CLTA: variants seen among roughly 807,000 people sequenced by gnomAD.
CLTA encodes clathrin light chain A.
CLTA carries 9 observed loss-of-function variants against 26.9 expected under a neutral mutation model. That is an observed-to-expected ratio of 0.33 (90% CI 0.20 to 0.58). The LOEUF (loss-of-function observed/expected upper bound fraction) is 0.58. CLTA is among the 20% of genes least tolerant of loss of function. The pLI, the probability that CLTA is intolerant of heterozygous loss-of-function variation, is 0.85. For missense variants in CLTA, 278 were observed against 294.2 expected, an observed-to-expected ratio of 0.94 and a Z score of 0.40; for synonymous variants, 120 against 115.5, an observed-to-expected ratio of 1.04 and a Z score of -0.25.
intron 1 of CLTA, among the ~76,000 whole-genome samples, chr9:36,194,316 C>T (rs12339646): frequency 0.097 from 14,699 of 152,256 alleles, 967 homozygotes; most frequent in South Asian, 0.18. Flanking sequence ...TGTGAACCAC[C>T]GCACCCGGTG....
chr9:36,205,523 C>T (rs1368079422), intron 4 of CLTA, among the ~76,000 whole-genome samples: 1 of 152,266 alleles, frequency 6.6e-6, no homozygotes, highest in African/African-American at 2.4e-5. Context: ...CCCCAGCCTG[C>T]GACCCCAGCA....
chr9:36,208,499 C>G (rs921827922), intron 4 of CLTA, among the ~76,000 whole-genome samples: 1 of 152,190 alleles, frequency 6.6e-6, no homozygotes, highest in Admixed American at 6.5e-5. Flanking sequence ...AAGCCAGGGC[C>G]AGGATCCTAG....
chr9:36,197,533 A>G lies in CLTA; in HGVS notation c.218-18A>G. The stretch of plus-strand genomic sequence containing the variant: ...TTGACCAGTCCTTATTGATAGACCA[A>G]AATCTTATGTCTTGCAGATGCTGTT... On this transcript the variant is annotated intron_variant, in intron 1 of 4. Transcript: ENST00000345519. 8 of 1,607,916 alleles carry G rather than the reference A, an allele frequency of 5.0e-6. No individual in the cohort carries two copies. The highest frequency in any genetic ancestry group is 6.8e-6 in the Non-Finnish European group (8 of 1,175,100).
chr9:36,211,563 G>A lies in CLTA; in HGVS notation c.486-40G>A, dbSNP rs746741491. The A allele has an allele frequency of 2.6e-6, 4 of 1,560,000 alleles. No homozygotes were observed. In the Admixed American group the frequency reaches 5.4e-5, roughly 21 times the overall value. On this transcript the variant is annotated intron_variant, in intron 4 of 4. Coordinates refer to ENST00000345519, the MANE Select transcript of CLTA (RefSeq NM_001833.4). ...AGGCAGCCACCAGGTTGCTCAAAGG[G>A]GGTTCTGCATAAACCAACATATTTT...
chr9:36,193,411 A>G (rs1041868951), intron 1 of CLTA, among the ~76,000 whole-genome samples: 7 of 151,888 alleles, frequency 4.6e-5, no homozygotes, highest in Non-Finnish European at 1.0e-4. Context: ...ATCTCAGACA[A>G]TGTATATAAC....
intron 1 of CLTA, among the ~76,000 whole-genome samples, chr9:36,197,126 G>T (rs937004050): frequency 6.6e-6 from 1 of 152,240 alleles, no homozygotes; most frequent in Non-Finnish European, 1.5e-5. Flanking sequence ...AGTAAGCCAT[G>T]ATTGGGCCAC....
In CLTA at chr9:36,193,539, T is replaced by C. The variant is rs185874816; in HGVS notation, c.217+2266T>C. On this transcript the variant is annotated intron_variant, in intron 1 of 4. Coordinates refer to ENST00000345519, the MANE Select transcript of CLTA (RefSeq NM_001833.4). Reference sequence around the variant, plus strand: ...AGTGTCTATAAAGTGCTTACAGTTATATTAAGTATCTAGTGAATTCCAGCT... The same window carrying C: ...AGTGTCTATAAAGTGCTTACAGTTACATTAAGTATCTAGTGAATTCCAGCT... Among the ~76,000 whole-genome samples, 967 of 149,868 alleles carry C rather than the reference T, an allele frequency of 6.5e-3. 6 individuals carry two copies. Among genetic ancestry groups the C allele is most frequent in the Middle Eastern group, 0.014 (4 of 290 alleles).
At chr9:36,211,478 A>G in intron 4 of CLTA, 125 bp from the exon 5 acceptor site, 1 of 1,336,038 alleles carries the variant, frequency 7.5e-7, no homozygotes, top group Non-Finnish European at 1.0e-6. Flanking sequence ...AGGGGCTGTT[A>G]TCTTGGGAAA....
At position 36,191,147 on chromosome 9, in the gene CLTA, C is replaced by T. The variant is rs1826683298; in HGVS notation, c.91C>T (p.Pro31Ser). ...NGVAGAGEED[P>S]AAAFLAQQES... ...AGTGGCCGGCGCCGGCGAAGAAGAC[C>T]CGGCTGCGGCCTTCTTGGCGCAGCA... Residue 31 changes from proline to serine, a missense_variant, in exon 1 of 5, where the codon CCG (proline) becomes TCG (serine). Physicochemically the swap from Pro to Ser is moderately conservative, Grantham distance 74. Coordinates refer to ENST00000345519, the MANE Select transcript of CLTA (RefSeq NM_001833.4). 1 of 1,599,420 alleles carries T rather than the reference C, an allele frequency of 6.3e-7. No individual in the cohort carries two copies. Among genetic ancestry groups the T allele is most frequent in the Admixed American group, 1.7e-5 (1 of 58,692 alleles).
In CLTA at chr9:36,190,997, G is replaced by A. The variant is rs1826660320; in HGVS notation, c.-60G>A. 6.8e-6 allele frequency: 10 copies of A among 1,468,796 alleles called. No homozygotes were observed. The highest frequency in any genetic ancestry group is 8.0e-6 in the Non-Finnish European group (9 of 1,120,374). 91.0% of individuals were successfully genotyped at this position (1,468,796 alleles called of 1,614,324 possible). A position where few individuals can be genotyped will look rare whatever the true frequency, so the allele number is the denominator to read the frequency against. ...CACAGCGGTGGCTGCCGGGCGTGGT[G>A]TCGGTGGGTCGGTTGGTTTTTGTCT... On this transcript the variant is annotated 5_prime_UTR_variant, in exon 1 of 5. Transcript: ENST00000345519.
chr9:36,201,692 G>A (rs1827416002), intron 3 of CLTA, among the ~76,000 whole-genome samples: 1 of 152,296 alleles, frequency 6.6e-6, no homozygotes, highest in African/African-American at 2.4e-5. Context: ...TGATTGAAAA[G>A]GGGGCCTTAC....
chr9:36,208,641 T>C (rs1390187157), intron 4 of CLTA, among the ~76,000 whole-genome samples: 1 of 152,152 alleles, frequency 6.6e-6, no homozygotes, highest in African/African-American at 2.4e-5. Context: ...GAAGCAGTAG[T>C]TAGATAATCC....
intron 1 of CLTA, among the ~76,000 whole-genome samples, chr9:36,192,607 T>A (rs1419860194): frequency 6.6e-6 from 1 of 152,162 alleles, no homozygotes; most frequent in Non-Finnish European, 1.5e-5. Context: ...TTAGGGGATA[T>A]TTTCATTGGG....
At chr9:36,206,041 T>C (rs967827077) in intron 4 of CLTA, among the ~76,000 whole-genome samples, 5 of 152,152 alleles carry the variant, frequency 3.3e-5, no homozygotes, top group African/African-American at 1.2e-4. Flanking sequence ...ATTACAGGCG[T>C]GAGCCACCGC....
chr9:36,210,136 T>G (rs1827958253), intron 4 of CLTA, among the ~76,000 whole-genome samples: 1 of 151,548 alleles, frequency 6.6e-6, no homozygotes, highest in African/African-American at 2.4e-5. Flanking sequence ...ATTTCTTTTA[T>G]CAAAGCAGTA....
At chr9:36,199,626 T>C (rs1827286602) in intron 3 of CLTA, among the ~76,000 whole-genome samples, 2 of 151,346 alleles carry the variant, frequency 1.3e-5, no homozygotes, top group South Asian at 4.2e-4. Flanking sequence ...CATTTTTTTT[T>C]TGTATTTTTA....
chr9:36,205,461 G>T (rs943894137), intron 4 of CLTA, among the ~76,000 whole-genome samples: 1 of 152,130 alleles, frequency 6.6e-6, no homozygotes, highest in South Asian at 2.1e-4. Context: ...AGTTCAGATC[G>T]GTAAAGCCGA....
intron 3 of CLTA, among the ~76,000 whole-genome samples, chr9:36,203,244 C>T (rs967107534): frequency 6.6e-6 from 1 of 152,156 alleles, no homozygotes; most frequent in Non-Finnish European, 1.5e-5. Flanking sequence ...GTTTGAGAAT[C>T]CAATCTAGCA....
rs988448967 is a variant in CLTA, at chr9:36,211,922, C to T, written c.*148C>T. 3 of 722,018 alleles carry T rather than the reference C, an allele frequency of 4.2e-6. No homozygotes were observed. Among genetic ancestry groups the T allele is most frequent in the African/African-American group, 3.6e-5 (2 of 56,108 alleles). The allele number at this position is 722,018 out of a possible 1,614,324, so 44.7% of individuals were successfully genotyped here. On this transcript the variant is annotated 3_prime_UTR_variant, in exon 5 of 5. Coordinates refer to ENST00000345519, the MANE Select transcript of CLTA (RefSeq NM_001833.4). ...TTCATTGTTTGTGATTGCATGTTTC[C>T]TTCCTTCAACTGTGTTCTCCCTGGC...
Sources: allele counts gnomAD v4.1 joint callset (sites outside exome capture counted in the v4.1 genomes callset), GRCh38; gene constraint gnomAD v4.1.1; transcripts MANE v1.5; gene names NCBI Gene and HGNC (gene_info 2026-07-23, HGNC 2026-07-21).